TBX15: variants seen among roughly 807,000 people sequenced by gnomAD.
TBX15 encodes T-box transcription factor TBX15.
In TBX15, 18 loss-of-function variants were observed where a neutral mutation model predicts 53.9. The observed-to-expected ratio is 0.33, with a 90% CI of 0.23 to 0.49. The LOEUF is 0.49. TBX15 is among the 20% of genes least tolerant of loss of function. TBX15 has a pLI of 0.98. For missense variants in TBX15, 692 were observed against 749.5 expected, an observed-to-expected ratio of 0.92 and a Z score of 0.90; for synonymous variants, 295 against 278.0, an observed-to-expected ratio of 1.06 and a Z score of -0.61.
chr1:118,912,448 G>T (rs1349034588), intron 6 of TBX15, among the ~76,000 whole-genome samples: 1 of 151,974 alleles, frequency 6.6e-6, no homozygotes, highest in African/African-American at 2.4e-5. Flanking sequence ...CAAGCTGAAG[G>T]TCTTAAAAGC....
intron 1 of TBX15, among the ~76,000 whole-genome samples, chr1:118,979,770 CG>C (rs988841171): frequency 2.6e-5 from 4 of 151,796 alleles, no homozygotes; most frequent in African/African-American, 9.7e-5. Flanking sequence ...TTCCGGGTCC[CG>C]GGTTTCCAGG....
chr1:118,936,100 A>G (rs2101623540), intron 1 of TBX15, among the ~76,000 whole-genome samples: 1 of 152,320 alleles, frequency 6.6e-6, no homozygotes, highest in Non-Finnish European at 1.5e-5. Context: ...TGGCCAAGTC[A>G]CATGACTATT....
intron 2 of TBX15, among the ~76,000 whole-genome samples, chr1:118,929,841 G>A (rs777384703): frequency 7.6e-4 from 92 of 120,802 alleles, no homozygotes; most frequent in African/African-American, 1.6e-3. Context: ...AAAGAATACC[G>A]GAAAATCTTA....
At chr1:118,936,813 T>A (rs1276965925) in intron 1 of TBX15, among the ~76,000 whole-genome samples, 1 of 152,184 alleles carries the variant, frequency 6.6e-6, no homozygotes, top group African/African-American at 2.4e-5. Context: ...CCAGGTTACA[T>A]CCATTCTACT....
At chr1:118,891,993 G>A (rs1294629754) in intron 7 of TBX15, among the ~76,000 whole-genome samples, 3 of 152,124 alleles carry the variant, frequency 2.0e-5, no homozygotes, top group Non-Finnish European at 4.4e-5. Flanking sequence ...GGAATATTAA[G>A]ATAAAGCTGG....
At chr1:118,955,922 A>G (rs888030563) in intron 1 of TBX15, among the ~76,000 whole-genome samples, 1 of 152,062 alleles carries the variant, frequency 6.6e-6, no homozygotes, top group African/African-American at 2.4e-5. Flanking sequence ...GTCTTCAAAG[A>G]CCTCTCATCC....
At chr1:118,912,057 A>G (rs1260172449) in intron 6 of TBX15, among the ~76,000 whole-genome samples, 1 of 152,204 alleles carries the variant, frequency 6.6e-6, no homozygotes, top group Non-Finnish European at 1.5e-5. Context: ...GTGGCTGCTC[A>G]TAGGAAAGCA....
At chr1:118,929,775 C>T (rs1001054395) in intron 2 of TBX15, among the ~76,000 whole-genome samples, 3 of 152,110 alleles carry the variant, frequency 2.0e-5, no homozygotes, top group African/African-American at 7.2e-5. Context: ...GAAGTGATAT[C>T]AGGAACAAAC....
chr1:118,913,930 G>A (rs997514541), intron 6 of TBX15, among the ~76,000 whole-genome samples, 185 bp downstream of exon 6: 5 of 152,172 alleles, frequency 3.3e-5, no homozygotes, highest in Admixed American at 2.6e-4. Flanking sequence ...ATTTGATCTG[G>A]TGATTTAGAC....
chr1:118,889,802 T>TA (rs397976022), intron 7 of TBX15, among the ~76,000 whole-genome samples: 65,642 of 148,080 alleles, frequency 0.44, 15,139 homozygotes, highest in East Asian at 0.81. Flanking sequence ...GGCATTAATT[T>TA]AAAAAAAAAA....
chr1:118,906,044 T>C (rs963389410), intron 6 of TBX15, among the ~76,000 whole-genome samples: 1 of 152,082 alleles, frequency 6.6e-6, no homozygotes, highest in Non-Finnish European at 1.5e-5. Flanking sequence ...ATCAGTAAAA[T>C]GGGAAATAGT....
At chr1:118,977,738 A>T (rs962137425) in intron 1 of TBX15, among the ~76,000 whole-genome samples, 2 of 152,224 alleles carry the variant, frequency 1.3e-5, no homozygotes, top group Non-Finnish European at 2.9e-5. Context: ...AGCAGCTATG[A>T]ATAGAGGCCT....
chr1:118,913,109 G>A (rs545393236), intron 6 of TBX15, among the ~76,000 whole-genome samples: 1 of 152,124 alleles, frequency 6.6e-6, no homozygotes, highest in South Asian at 2.1e-4. Flanking sequence ...ATAATGTACT[G>A]CACATTTCAC....
At chr1:118,970,083 T>G (rs953040097) in intron 1 of TBX15, among the ~76,000 whole-genome samples, 1 of 152,256 alleles carries the variant, frequency 6.6e-6, no homozygotes. Context: ...GAAGACATGC[T>G]GGCTTCCCCT....
At chr1:118,959,450 A>G (rs1489864030) in intron 1 of TBX15, among the ~76,000 whole-genome samples, 1 of 152,194 alleles carries the variant, frequency 6.6e-6, no homozygotes, top group Admixed American at 6.5e-5. Flanking sequence ...TGATATTTCC[A>G]GTACCTAACC....
At chr1:118,944,407 A>G (rs1290134140) in intron 1 of TBX15, among the ~76,000 whole-genome samples, 2 of 152,162 alleles carry the variant, frequency 1.3e-5, no homozygotes, top group Admixed American at 6.5e-5. Flanking sequence ...CATCCTCACC[A>G]TGTCACTTAA....
chr1:118,923,553 G>C lies in TBX15; in HGVS notation c.744C>G (p.Arg248=). 6.2e-7 allele frequency: 1 copy of C among 1,614,000 alleles called. No individual in the cohort carries two copies. Among genetic ancestry groups the C allele is most frequent in the African/African-American group, 1.3e-5 (1 of 75,028 alleles). ...GTGAAAGGTCACTGCTGAAGTCTTT[G>C]CGAATCACATGAACTCGAGGCTGGT... ...HKYQPRVHVI[R]KDFSSDLSPT... The change falls in exon 5 of 8, where the codon CGC becomes CGG. Residue 248 remains arginine, a synonymous_variant. Coordinates refer to ENST00000369429, the MANE Select transcript of TBX15 (RefSeq NM_001330677.2).
At chr1:118,939,519 A>G (rs1413751741) in intron 1 of TBX15, among the ~76,000 whole-genome samples, 1 of 151,770 alleles carries the variant, frequency 6.6e-6, no homozygotes, top group African/African-American at 2.4e-5. Flanking sequence ...ACATAAATAC[A>G]GGAACAACAG....
chr1:118,956,281 A>G (rs1352049926), intron 1 of TBX15, among the ~76,000 whole-genome samples: 1 of 152,198 alleles, frequency 6.6e-6, no homozygotes, highest in African/African-American at 2.4e-5. Context: ...AGGAAAAAAA[A>G]ATACTAGTAC....
Sources: allele counts gnomAD v4.1 joint callset (sites outside exome capture counted in the v4.1 genomes callset), GRCh38; gene constraint gnomAD v4.1.1; transcripts MANE v1.5; gene names NCBI Gene and HGNC (gene_info 2026-07-23, HGNC 2026-07-21).